BLTP2: variants seen among roughly 807,000 people sequenced by gnomAD.
BLTP2 encodes the protein U937-associated antigen.
chr17:28,617,244 A>G, the BLTP2 span: 1 of 1,614,016 alleles, frequency 6.2e-7, no homozygotes, highest in Non-Finnish European at 8.5e-7. Flanking sequence ...TATAGACAGC[A>G]TTGGGGAGGA....
chr17:28,634,293 C>A, the BLTP2 span, among the ~76,000 whole-genome samples: 1 of 152,098 alleles, frequency 6.6e-6, no homozygotes, highest in Admixed American at 6.6e-5. Context: ...CCAAGAGACA[C>A]AATAACCTTA....
the BLTP2 span, chr17:28,615,515 T>C: frequency 4.3e-6 from 4 of 935,540 alleles, no homozygotes; most frequent in South Asian, 3.4e-5. Flanking sequence ...AGTGAGGTCA[T>C]GGAGAGGGTA....
the BLTP2 span, among the ~76,000 whole-genome samples, chr17:28,626,953 G>C: frequency 1.3e-5 from 2 of 152,222 alleles, no homozygotes; most frequent in Admixed American, 1.3e-4. Context: ...AAGCAACCTG[G>C]AGCCTGTGAC....
At chr17:28,618,350 C>T in the BLTP2 span, among the ~76,000 whole-genome samples, 1 of 151,998 alleles carries the variant, frequency 6.6e-6, no homozygotes, top group Non-Finnish European at 1.5e-5. Context: ...CTCCAGGGCT[C>T]AAGCAATCCT....
chr17:28,622,734 G>C, the BLTP2 span, among the ~76,000 whole-genome samples: 4 of 152,172 alleles, frequency 2.6e-5, no homozygotes, highest in East Asian at 3.8e-4. Context: ...GCAAAGACAG[G>C]CTCCTTCCCT....
chr17:28,632,808 A>T, the BLTP2 span: 2 of 596,206 alleles, frequency 3.4e-6, no homozygotes, highest in East Asian at 5.8e-5. Flanking sequence ...AAACAAAAAA[A>T]AAGGTCCTAA....
chr17:28,637,162 C>T, the BLTP2 span: 1 of 1,614,018 alleles, frequency 6.2e-7, no homozygotes, highest in Non-Finnish European at 8.5e-7. Flanking sequence ...AGTCGTACCT[C>T]TGAAGCACCT....
At chr17:28,640,000 G>A in the BLTP2 span, 2 of 1,613,976 alleles carry the variant, frequency 1.2e-6, no homozygotes, top group South Asian at 2.2e-5. Flanking sequence ...AGGAACTGCA[G>A]CAGCTTCAGA....
the BLTP2 span, chr17:28,631,751 G>C: frequency 1.9e-6 from 3 of 1,600,418 alleles, no homozygotes; most frequent in Non-Finnish European, 2.6e-6. Flanking sequence ...AGATGGAGGA[G>C]GGGAATGGAA....
At chr17:28,619,636 G>GA in the BLTP2 span, 1 of 1,612,990 alleles carries the variant, frequency 6.2e-7, no homozygotes, top group South Asian at 1.1e-5. Flanking sequence ...AAAGGGCAAG[G>GA]AAAGAATGCT....
At chr17:28,634,995 G>A in the BLTP2 span, 1 of 1,613,418 alleles carries the variant, frequency 6.2e-7, no homozygotes, top group Non-Finnish European at 8.5e-7. Context: ...GTGGGAGTGG[G>A]ACAGGGCTTG....
chr17:28,639,230 T>C, the BLTP2 span: 1 of 1,377,990 alleles, frequency 7.3e-7, no homozygotes, highest in Non-Finnish European at 1.0e-6. Context: ...ACCAAATACA[T>C]ATTTAACACA....
chr17:28,627,572 A>G, the BLTP2 span, among the ~76,000 whole-genome samples: 1 of 152,028 alleles, frequency 6.6e-6, no homozygotes, highest in Non-Finnish European at 1.5e-5. Context: ...ATGCACGGCT[A>G]ATTTTTTTGT....
the BLTP2 span, chr17:28,635,464 G>A: frequency 1.2e-6 from 2 of 1,614,208 alleles, no homozygotes; most frequent in Non-Finnish European, 1.7e-6. Flanking sequence ...AGTTCCTGAA[G>A]TCTCTAGTGC....
the BLTP2 span, chr17:28,621,647 T>C: frequency 3.1e-6 from 2 of 642,018 alleles, no homozygotes; most frequent in Admixed American, 2.3e-5. Flanking sequence ...TCTCCCAGGA[T>C]AGAGGACATA....
chr17:28,642,292 G>A, the BLTP2 span: 32 of 1,614,188 alleles, frequency 2.0e-5, no homozygotes, highest in South Asian at 1.8e-4. Flanking sequence ...CCACTCTTTA[G>A]AACTTTGCTG....
the BLTP2 span, among the ~76,000 whole-genome samples, chr17:28,636,496 A>G: frequency 2.6e-5 from 4 of 152,332 alleles, no homozygotes; most frequent in Non-Finnish European, 5.9e-5. Context: ...TTGAAATTAT[A>G]TATGTCTGAT....
the BLTP2 span, chr17:28,618,840 C>T: frequency 6.2e-7 from 1 of 1,614,046 alleles, no homozygotes; most frequent in Non-Finnish European, 8.5e-7. Flanking sequence ...TCCCAGCTGT[C>T]CATCTTCCTC....
the BLTP2 span, chr17:28,628,682 C>G: frequency 1.2e-6 from 1 of 810,148 alleles, no homozygotes; most frequent in Non-Finnish European, 1.9e-6. Flanking sequence ...TGCCCGTAAT[C>G]CCAGCACTTT....
Sources: allele counts gnomAD v4.1 joint callset (sites outside exome capture counted in the v4.1 genomes callset), GRCh38; gene constraint gnomAD v4.1.1; transcripts MANE v1.5; gene names NCBI Gene and HGNC (gene_info 2026-07-23, HGNC 2026-07-21).